MMGT1: variants seen among roughly 807,000 people sequenced by gnomAD.
The protein encoded by MMGT1 is membrane magnesium transporter 1.
A neutral mutation model predicts 11.7 loss-of-function variants in MMGT1; 2 were observed. That is an observed-to-expected ratio of 0.17 (90% CI 0.07 to 0.54). The LOEUF is 0.54. Among genes scored for constraint, MMGT1 ranks in the 20% least tolerant of loss-of-function variants. The pLI is 0.94. For synonymous variants in MMGT1, 49 were observed against 44.4 expected, an observed-to-expected ratio of 1.10 and a Z score of -0.41; for missense variants, 74 against 109.0, an observed-to-expected ratio of 0.68 and a Z score of 1.43.
rs1287334238 is a variant in MMGT1 at position 135,962,772 on chromosome X, G to A, written c.*2252C>T. The A allele has an allele frequency of 2.7e-5, 3 of 111,913 alleles. No homozygotes were observed. Among genetic ancestry groups the A allele is most frequent in the Non-Finnish European group, 3.8e-5 (2 of 53,204 alleles). 9.2% of individuals were successfully genotyped at this position (111,913 alleles called of 1,213,427 possible). On this transcript the variant is annotated 3_prime_UTR_variant, in exon 4 of 4. Transcript: ENST00000305963. ...CCTGATTTTTAGCAGGACTCTTCCC[G>A]ACTGAGGAGGCAAAGATTTCAACAT... is the stretch of plus-strand genomic sequence containing the variant.
At chrX:135,968,680 G>A (rs2089200685) in intron 2 of MMGT1, among the ~76,000 whole-genome samples, 1 of 109,812 alleles carries the variant, frequency 9.1e-6, no homozygotes, top group African/African-American at 3.3e-5. Flanking sequence ...ACAGGTGCCC[G>A]CCACTGCACC....
chrX:135,967,363 A>G, intron 3 of MMGT1, 27 bp downstream of exon 3: 1 of 880,416 alleles, frequency 1.1e-6, no homozygotes, highest in South Asian at 2.1e-5. Flanking sequence ...TATGAAATGC[A>G]ATGCCTATGA....
chrX:135,968,943 T>C (rs2089201993), intron 2 of MMGT1, among the ~76,000 whole-genome samples: 2 of 112,046 alleles, frequency 1.8e-5, no homozygotes, highest in African/African-American at 6.5e-5. Flanking sequence ...AACATGAATA[T>C]TCATATGCAT....
At chrX:135,966,704 G>T (rs1556611993) in intron 3 of MMGT1, among the ~76,000 whole-genome samples, 1 of 111,874 alleles carries the variant, frequency 8.9e-6, no homozygotes, top group Non-Finnish European at 1.9e-5. Flanking sequence ...AGAAAATATT[G>T]TAAAGGGGCA....
chrX:135,967,525 A>G lies in MMGT1; in HGVS notation c.133-32T>C, dbSNP rs782519902. 17 of 810,406 alleles carry G rather than the reference A, an allele frequency of 2.1e-5. No individual in the cohort carries two copies. The South Asian group carries it at 3.7e-4, about 18-fold the overall frequency. 66.8% of individuals were successfully genotyped at this position (810,406 alleles called of 1,213,427 possible). ...GTATAAAGATTGATAATACTAAATA[A>G]CACAAACATTATTATAAATATTTAC... On this transcript the variant is annotated intron_variant, in intron 2 of 3. Coordinates refer to ENST00000305963, the MANE Select transcript of MMGT1 (RefSeq NM_173470.3).
rs1050192186 is a variant in MMGT1, at chrX:135,962,075, G to A, written c.*2949C>T. ...GCCCAAAAAACACTACCAAAAACAG[G>A]GTGAGACAATCATTTATTTATTGGA... is the stretch of plus-strand genomic sequence containing the variant. On this transcript the variant is annotated 3_prime_UTR_variant, in exon 4 of 4. Transcript: ENST00000305963. 6 of 109,605 alleles carry A rather than the reference G, an allele frequency of 5.5e-5. No individual in the cohort carries two copies. Among genetic ancestry groups the A allele is most frequent in the African/African-American group, 2.0e-4 (6 of 30,159 alleles). 9.0% of individuals were successfully genotyped at this position (109,605 alleles called of 1,213,427 possible). A position where few individuals can be genotyped will look rare whatever the true frequency, so the allele number is the denominator to read the frequency against.
chrX:135,967,410 G>C lies in MMGT1; in HGVS notation c.216C>G (p.Ala72=), dbSNP rs2089192380. Residue 72 remains alanine, a synonymous_variant, in exon 3 of 4, where the codon GCC becomes GCG. Transcript: ENST00000305963. ...CTTACTTATTTTTCAGTTCTGAAGT[G>C]GCATCCATGTCTTTAAACTCTCCTG... ...HIAGEFKDMD[A]TSELKNKTFD... 1 of 1,177,005 alleles carries C rather than the reference G, an allele frequency of 8.5e-7. No homozygotes were observed. The highest frequency in any genetic ancestry group is 2.3e-5 in the Admixed American group (1 of 43,633).
chrX:135,965,011 A>G lies in MMGT1; in HGVS notation c.*13T>C. On this transcript the variant is annotated 3_prime_UTR_variant, in exon 4 of 4. Transcript: ENST00000305963. Reference sequence around the variant, plus strand: ...CTCTGTGTCCTGTCCTATTATTATAATTTGTAAAAATCTTAACGACGCAGT... The same window carrying G: ...CTCTGTGTCCTGTCCTATTATTATAGTTTGTAAAAATCTTAACGACGCAGT... 1 of 1,201,905 alleles carries G rather than the reference A, an allele frequency of 8.3e-7. No homozygotes were observed. The highest frequency in any genetic ancestry group is 1.1e-6 in the Non-Finnish European group (1 of 887,689).
At chrX:135,970,281 T>C (rs1373007424) in intron 2 of MMGT1, among the ~76,000 whole-genome samples, 2 of 109,517 alleles carry the variant, frequency 1.8e-5, no homozygotes, top group Non-Finnish European at 3.8e-5. Flanking sequence ...GAAGGATAAT[T>C]GCTTGAACCT....
chrX:135,968,136 GCCA>G (rs2089196767), intron 2 of MMGT1, among the ~76,000 whole-genome samples: 1 of 112,245 alleles, frequency 8.9e-6, no homozygotes, highest in African/African-American at 3.2e-5. Flanking sequence ...ACAGGCGTGA[GCCA>G]CCACACCCAG....
chrX:135,973,686 G>A lies in MMGT1; in HGVS notation c.-11C>T. 8.6e-7 allele frequency: 1 copy of A among 1,167,317 alleles called. No individual in the cohort carries two copies. The highest frequency in any genetic ancestry group is 1.9e-5 in the South Asian group (1 of 52,782). On this transcript the variant is annotated 5_prime_UTR_variant, in exon 1 of 4. Coordinates refer to ENST00000305963, the MANE Select transcript of MMGT1 (RefSeq NM_173470.3). ...CAGCGACGGCGCCATGATGCCGAAG[G>A]AGCAGCAGCCCAGCAAAAGAAGCGA...
chrX:135,972,991 T>G (rs1447370667), intron 1 of MMGT1, among the ~76,000 whole-genome samples: 1 of 112,475 alleles, frequency 8.9e-6, no homozygotes, highest in African/African-American at 3.2e-5. Flanking sequence ...AGGGCATCAC[T>G]GTATCTCTAG....
intron 1 of MMGT1, among the ~76,000 whole-genome samples, chrX:135,973,298 G>C (rs186893216): frequency 1.7e-3 from 189 of 111,624 alleles, no homozygotes; most frequent in African/African-American, 5.7e-3. Context: ...AACTGTGCCT[G>C]ATCTGCCCCA....
At chrX:135,966,524 G>A (rs782150901) in intron 3 of MMGT1, among the ~76,000 whole-genome samples, 82 of 112,159 alleles carry the variant, frequency 7.3e-4, no homozygotes, top group African/African-American at 2.6e-3. Flanking sequence ...GAACTTAGGA[G>A]GCAGAGGTTG....
At chrX:135,968,498 A>AG (rs2089198706) in intron 2 of MMGT1, among the ~76,000 whole-genome samples, 9 of 18,559 alleles carry the variant, frequency 4.8e-4, no homozygotes, top group African/African-American at 1.5e-3. Context: ...ACATTATGTC[A>AG]TTGTGTGTGT....
intron 3 of MMGT1, among the ~76,000 whole-genome samples, chrX:135,966,538 T>C: frequency 8.9e-6 from 1 of 112,102 alleles, no homozygotes; most frequent in Middle Eastern, 4.6e-3. Flanking sequence ...GAGGTTGCAG[T>C]GAGCCAAAAT....
chrX:135,965,038 A>T lies in MMGT1; in HGVS notation c.382T>A (p.Ser128Thr). ...NTSLKLRKLE[S>T]LRR ...TTGTAAAAATCTTAACGACGCAGTG[A>T]TTCGAGTTTTCGTAACTTCAATGAT... The change falls in exon 4 of 4, where the codon TCA (serine) becomes ACA (threonine). Residue 128 changes from serine to threonine, a missense_variant. By Grantham distance (58) the Ser-to-Thr change is moderately conservative. Around this residue, in one of 2 missense-constraint regions of MMGT1, gnomAD observed 34 missense variants for 29.3 expected, o/e 1.16. Coordinates refer to ENST00000305963, the MANE Select transcript of MMGT1 (RefSeq NM_173470.3). 3.3e-6 allele frequency: 4 copies of T among 1,209,029 alleles called. No homozygotes were observed. Among genetic ancestry groups the T allele is most frequent in the Non-Finnish European group, 3.4e-6 (3 of 893,544 alleles).
intron 2 of MMGT1, among the ~76,000 whole-genome samples, chrX:135,970,291 T>TGGGAGGCA (rs1841125430): frequency 9.1e-6 from 1 of 110,138 alleles, no homozygotes; most frequent in Non-Finnish European, 1.9e-5. Context: ...TGCTTGAACC[T>TGGGAGGCA]GGGAGGCAGA....
rs2089155729 is a variant in MMGT1 at position 135,961,612 on chromosome X, G to C, written c.*3412C>G. On this transcript the variant is annotated 3_prime_UTR_variant, in exon 4 of 4. Transcript: ENST00000305963. ...TCCTAGGTAGGTTTGAATACCGGTG[G>C]TGTTATTTTTCAAAATACTGTAGAT... Among the ~76,000 whole-genome samples, 1 of 111,440 alleles carries C rather than the reference G, an allele frequency of 9.0e-6. No individual in the cohort carries two copies. Among genetic ancestry groups the C allele is most frequent in the Admixed American group, 9.6e-5 (1 of 10,448 alleles).
Sources: gnomAD v4.1 joint callset for allele counts (sites outside exome capture counted in the v4.1 genomes callset) on GRCh38, gnomAD v4.1.1 for gene constraint, gnomAD v4.1.1 regional missense constraint, MANE v1.5 for transcripts, NCBI Gene and HGNC (gene_info 2026-07-23, HGNC 2026-07-21) for gene names.